STPG2: variants seen among roughly 807,000 people sequenced by gnomAD.
STPG2 encodes sperm-tail PG-rich repeat-containing protein 2.
Under a neutral mutation model 54.2 loss-of-function variants are expected in STPG2, and 56 were observed. The ratio of observed to expected loss-of-function variants is 1.03; its 90% CI spans 0.83 to 1.29. The LOEUF is 1.29. STPG2 is among the 50% of genes most tolerant of loss of function. STPG2 has a pLI of 0.00. For synonymous variants in STPG2, 200 were observed against 181.8 expected (o/e 1.10, Z -0.81); for missense variants, 596 against 544.9 (o/e 1.09, Z -0.93).
At chr4:97,595,989 GC>G (rs1733278924) in intron 10 of STPG2, among the ~76,000 whole-genome samples, 1 of 152,058 alleles carries the variant, frequency 6.6e-6, no homozygotes, top group South Asian at 2.1e-4. Flanking sequence ...CAATAAAGAA[GC>G]AAAAACCAAC....
intron 4 of STPG2, among the ~76,000 whole-genome samples, chr4:97,466,691 C>A (rs1052499162): frequency 6.6e-6 from 1 of 151,474 alleles, no homozygotes; most frequent in Non-Finnish European, 1.5e-5. Context: ...TCATACCTTC[C>A]CAGAGTTTAA....
At chr4:97,539,066 T>C (rs937082774) in intron 4 of STPG2, among the ~76,000 whole-genome samples, 11 of 152,224 alleles carry the variant, frequency 7.2e-5, no homozygotes, top group Non-Finnish European at 8.8e-5. Flanking sequence ...AAGGAAAAAC[T>C]GGTACCAGCC....
intron 5 of STPG2, among the ~76,000 whole-genome samples, chr4:98,014,676 T>A (rs894345048): frequency 2.0e-5 from 3 of 152,234 alleles, no homozygotes; most frequent in African/African-American, 7.2e-5. Context: ...TCAAGTATTC[T>A]AACTTTGACT....
intron 5 of STPG2, 44 bp from the exon 6 acceptor site, chr4:97,981,362 A>T (rs370857788): frequency 1.3e-6 from 2 of 1,587,896 alleles, no homozygotes; most frequent in Non-Finnish European, 1.7e-6. Flanking sequence ...AGTATAGTAC[A>T]TTTTGATACT....
chr4:98,005,861 A>G (rs1735562768), intron 5 of STPG2, among the ~76,000 whole-genome samples: 1 of 152,192 alleles, frequency 6.6e-6, no homozygotes, highest in Non-Finnish European at 1.5e-5. Context: ...TGGCTTTGCT[A>G]TCAGGATAAT....
intron 9 of STPG2, among the ~76,000 whole-genome samples, chr4:97,781,835 A>G (rs956507275): frequency 2.0e-5 from 3 of 152,236 alleles, no homozygotes; most frequent in African/African-American, 7.2e-5. Flanking sequence ...AAAAAACCAC[A>G]GGATTATCTC....
At chr4:97,921,980 T>G (rs1254909083) in intron 8 of STPG2, among the ~76,000 whole-genome samples, 1 of 152,174 alleles carries the variant, frequency 6.6e-6, no homozygotes, top group Admixed American at 6.5e-5. Flanking sequence ...ATTGAACTCT[T>G]AAAAGCAGAG....
chr4:97,704,508 A>G (rs1273646280), intron 10 of STPG2, among the ~76,000 whole-genome samples: 1 of 152,192 alleles, frequency 6.6e-6, no homozygotes, highest in Non-Finnish European at 1.5e-5. Context: ...AGTTCAAAAG[A>G]ATATCAAGAG....
At chr4:97,679,365 T>C (rs1271562172) in intron 10 of STPG2, among the ~76,000 whole-genome samples, 1 of 152,148 alleles carries the variant, frequency 6.6e-6, no homozygotes, top group Non-Finnish European at 1.5e-5. Context: ...TTTGCATTTC[T>C]CTGATGGCCA....
chr4:97,495,597 A>G (rs1264840922), intron 4 of STPG2, among the ~76,000 whole-genome samples: 1 of 151,006 alleles, frequency 6.6e-6, no homozygotes, highest in African/African-American at 2.4e-5. Context: ...GGTAAACTCT[A>G]TATTAATTAT....
intron 10 of STPG2, chr4:97,633,407 T>C (rs1190711871): frequency 6.6e-6 from 1 of 152,162 alleles, no homozygotes; most frequent in African/African-American, 2.4e-5. Flanking sequence ...AATAAAGTAA[T>C]GAAATTTAAT....
At chr4:97,958,669 T>A (rs2149246268) in intron 7 of STPG2, among the ~76,000 whole-genome samples, 1 of 151,890 alleles carries the variant, frequency 6.6e-6, no homozygotes, top group Admixed American at 6.6e-5. Context: ...AACAGGAAAA[T>A]ATCACAATCC....
At chr4:97,943,678 G>C (rs1288871060) in intron 8 of STPG2, among the ~76,000 whole-genome samples, 1 of 152,100 alleles carries the variant, frequency 6.6e-6, no homozygotes, top group South Asian at 2.1e-4. Flanking sequence ...ACCCTACAAG[G>C]GATGTTGCAT....
At chr4:97,799,585 A>T (rs1298663190) in intron 9 of STPG2, among the ~76,000 whole-genome samples, 1 of 152,148 alleles carries the variant, frequency 6.6e-6, no homozygotes, top group Non-Finnish European at 1.5e-5. Context: ...TTTGTGGGTA[A>T]CCCGACCTTT....
At chr4:98,109,618 C>T (rs902288949) in intron 3 of STPG2, among the ~76,000 whole-genome samples, 1 of 152,080 alleles carries the variant, frequency 6.6e-6, no homozygotes, top group African/African-American at 2.4e-5. Context: ...TGAAAATTAG[C>T]TCCTCATCAT....
chr4:97,486,120 A>T (rs1319750421), intron 4 of STPG2, among the ~76,000 whole-genome samples: 1 of 151,698 alleles, frequency 6.6e-6, no homozygotes, highest in East Asian at 1.9e-4. Flanking sequence ...TTAGGCAAGG[A>T]TTTTATGACC....
chr4:97,668,917 G>T (rs1722613637), intron 10 of STPG2, among the ~76,000 whole-genome samples: 1 of 151,886 alleles, frequency 6.6e-6, no homozygotes, highest in South Asian at 2.1e-4. Flanking sequence ...GATAATAAAG[G>T]TATAGCACTT....
chr4:97,554,282 T>G (rs1028937863), downstream of STPG2, among the ~76,000 whole-genome samples: 3 of 152,130 alleles, frequency 2.0e-5, no homozygotes, highest in Non-Finnish European at 4.4e-5. Flanking sequence ...TCATCTCTAC[T>G]CTCCCCTTGA....
At position 97,898,121 on chromosome 4, in the gene STPG2, T is replaced by C. The variant is rs183318379; in HGVS notation, c.1044+45776A>G. Among the ~76,000 whole-genome samples the C allele has an allele frequency of 2.5e-4, 38 of 152,072 alleles. 1 individual carries two copies. The highest frequency in any genetic ancestry group is 2.1e-4 in the South Asian group (1 of 4,832). ...AAGTCCAGATTCAATCTTCGGCATA[T>C]GGCTAGCCAGTTATCTCAGCAGCAT... On this transcript the variant is annotated intron_variant, in intron 8 of 10. Coordinates refer to ENST00000295268, the MANE Select transcript of STPG2 (RefSeq NM_174952.3).
Sources: gnomAD v4.1 joint callset for allele counts (sites outside exome capture counted in the v4.1 genomes callset) on GRCh38, gnomAD v4.1.1 for gene constraint, MANE v1.5 for transcripts, NCBI Gene and HGNC (gene_info 2026-07-23, HGNC 2026-07-21) for gene names.